Variants in UNC13B observed in about 807,000 individuals in gnomAD.
The protein encoded by UNC13B is unc-13 homolog B, also known as protein unc-13 homolog B.
In UNC13B, 144 loss-of-function variants were observed where a neutral mutation model predicts 211.0. The observed-to-expected ratio is 0.68, with a 90% CI of 0.60 to 0.78. UNC13B has a LOEUF of 0.78. Ranked by LOEUF, UNC13B falls within the 30% of genes least tolerant of loss-of-function variation. The pLI is 0.00. For synonymous variants in UNC13B, 709 were observed against 725.8 expected, an observed-to-expected ratio of 0.98 and a Z score of 0.37; for missense variants, 1,777 against 2,002.0, an observed-to-expected ratio of 0.89 and a Z score of 2.14.
chr9:35,170,542 C>A (rs956537428), intron 1 of UNC13B, among the ~76,000 whole-genome samples: 1 of 151,888 alleles, frequency 6.6e-6, no homozygotes, highest in Non-Finnish European at 1.5e-5. Context: ...GAACATGGCT[C>A]TCTGCAGCCT....
chr9:35,228,102 A>G, intron 2 of UNC13B, 58 bp downstream of exon 2: 1 of 1,424,350 alleles, frequency 7.0e-7, no homozygotes, highest in Non-Finnish European at 9.6e-7. Flanking sequence ...TTTCAAAGCA[A>G]TTTAAAAAAA....
intron 27 of UNC13B, 90 bp from the exon 28 acceptor site, chr9:35,396,751 A>G: frequency 4.4e-6 from 7 of 1,601,308 alleles, no homozygotes; most frequent in African/African-American, 4.0e-5. Flanking sequence ...GTGCCCTGCC[A>G]TCCCGAGGAC....
intron 1 of UNC13B, among the ~76,000 whole-genome samples, chr9:35,221,978 G>T (rs1480965060): frequency 2.0e-5 from 3 of 152,128 alleles, no homozygotes; most frequent in African/African-American, 7.2e-5. Flanking sequence ...ATGTGTGTGG[G>T]TCTGTTTCTG....
At chr9:35,163,079 G>C (rs968970877) in intron 1 of UNC13B, among the ~76,000 whole-genome samples, 1 of 152,176 alleles carries the variant, frequency 6.6e-6, no homozygotes, top group Non-Finnish European at 1.5e-5. Context: ...GTCTGACGTA[G>C]TAGAAGCTTA....
chr9:35,351,342 G>A, intron 11 of UNC13B: 1 of 1,224,696 alleles, frequency 8.2e-7, no homozygotes, highest in Non-Finnish European at 1.0e-6. Flanking sequence ...GAGGTTTGGA[G>A]GCCACACATG....
intron 6 of UNC13B, among the ~76,000 whole-genome samples, chr9:35,254,863 G>GTTTATAAATTA (rs1379791253): frequency 3.7e-5 from 5 of 133,690 alleles, no homozygotes; most frequent in African/African-American, 1.4e-4. Context: ...GTGTTGAATT[G>GTTTATAAATTA]TTTATACATT....
chr9:35,401,920 T>C (rs1429829142), intron 37 of UNC13B: 3 of 1,546,872 alleles, frequency 1.9e-6, no homozygotes, highest in South Asian at 2.4e-5. Context: ...CTGCTGCTGC[T>C]ACTACCTCTG....
chr9:35,260,038 CAAAAAAAAAAAAA>C (rs61273217), intron 7 of UNC13B, among the ~76,000 whole-genome samples: 3 of 64,802 alleles, frequency 4.6e-5, no homozygotes, highest in South Asian at 9.2e-4. Flanking sequence ...CTCATTTCTA[CAAAAAAAAAAAAA>C]AAAAAAAAAA....
chr9:35,256,393 A>G (rs934894129), intron 6 of UNC13B, among the ~76,000 whole-genome samples: 21 of 152,160 alleles, frequency 1.4e-4, no homozygotes, highest in African/African-American at 5.1e-4. Context: ...TAACATTGTA[A>G]GAGTGGAGAG....
chr9:35,364,558 A>C (rs1297100181), intron 11 of UNC13B: 4 of 1,535,798 alleles, frequency 2.6e-6, no homozygotes, highest in Non-Finnish European at 2.6e-6. Flanking sequence ...AAAAGCGAGG[A>C]GCCCTTCAGG....
At chr9:35,192,056 AG>A (rs1822688899) in intron 1 of UNC13B, among the ~76,000 whole-genome samples, 1 of 152,338 alleles carries the variant, frequency 6.6e-6, no homozygotes, top group Admixed American at 6.5e-5. Context: ...AGAAGCCAAA[AG>A]CCTGACTGGT....
chr9:35,166,565 A>T (rs2131238094), intron 1 of UNC13B, among the ~76,000 whole-genome samples: 1 of 151,970 alleles, frequency 6.6e-6, no homozygotes, highest in East Asian at 1.9e-4. Context: ...CTGGATTTGA[A>T]CTCCTGGGCT....
chr9:35,322,770 AG>A (rs1051454352), intron 11 of UNC13B, among the ~76,000 whole-genome samples: 7 of 152,258 alleles, frequency 4.6e-5, no homozygotes, highest in Admixed American at 4.6e-4. Flanking sequence ...ACTTTGCACC[AG>A]GGAAATACTC....
intron 1 of UNC13B, among the ~76,000 whole-genome samples, chr9:35,193,812 G>A (rs1822791852): frequency 6.6e-6 from 1 of 152,172 alleles, no homozygotes; most frequent in African/African-American, 2.4e-5. Context: ...ATGAAGCCTG[G>A]TTTGTAGTAG....
chr9:35,306,497 A>G lies in UNC13B; in HGVS notation c.7093A>G (p.Lys2365Glu), dbSNP rs541106495. Residue 2365 changes from lysine to glutamate, a missense_variant, in exon 9 of 40, where the codon AAA becomes GAA. Physicochemically the swap from Lys to Glu is moderately conservative, Grantham distance 56. Coordinates refer to ENST00000635942, the MANE Select transcript of UNC13B (RefSeq NM_001371189.2). The stretch of plus-strand genomic sequence containing the variant: ...CCATGAAGAAGAGGCTTTCAACCAC[A>G]AAGCCTTCCCCAGTGACTCACTGTC... The part of the protein sequence containing the change: ...APHEEEAFNH[K>E]AFPSDSLSNS... The G allele has an allele frequency of 1.2e-3, 482 of 399,044 alleles. 4 individuals carry two copies. The highest frequency in any genetic ancestry group is 2.6e-4 in the Non-Finnish European group (58 of 226,048). The allele number at this position is 399,044 out of a possible 1,614,324, so 24.7% of individuals were successfully genotyped here.
At chr9:35,384,574 C>T (rs1835066832) in intron 22 of UNC13B, 1 of 985,372 alleles carries the variant, frequency 1.0e-6, no homozygotes, top group Non-Finnish European at 1.2e-6. Context: ...ACTAAACTCT[C>T]TGGTGACATT....
At chr9:35,272,311 G>A (rs960532532) in intron 7 of UNC13B, among the ~76,000 whole-genome samples, 1 of 144,864 alleles carries the variant, frequency 6.9e-6, no homozygotes, top group African/African-American at 2.5e-5. Flanking sequence ...AGGCTGGAGT[G>A]CAGTGGCAGA....
chr9:35,264,852 C>T (rs1827479147), intron 7 of UNC13B, among the ~76,000 whole-genome samples: 1 of 152,188 alleles, frequency 6.6e-6, no homozygotes, highest in Non-Finnish European at 1.5e-5. Flanking sequence ...ACCTGTCACC[C>T]CTTCCTTTCT....
chr9:35,370,463 G>A lies in UNC13B; in HGVS notation c.9540+67G>A, dbSNP rs1834047150. ...GGTATCCCCCATTGGGCCTTGGCAA[G>A]CTGTCAGGATTGGAAGTCGTCCATT... On this transcript the variant is annotated intron_variant, in intron 13 of 39. Coordinates refer to ENST00000635942, the MANE Select transcript of UNC13B (RefSeq NM_001371189.2). 2.7e-6 allele frequency: 4 copies of A among 1,480,954 alleles called. No homozygotes were observed. The South Asian group carries it at 4.6e-5, about 17-fold the overall frequency. The allele number at this position is 1,480,954 out of a possible 1,614,324, so 91.7% of individuals were successfully genotyped here. A position where few individuals can be genotyped will look rare whatever the true frequency, so the allele number is the denominator to read the frequency against.
Sources: gnomAD v4.1 joint callset for allele counts (sites outside exome capture counted in the v4.1 genomes callset) on GRCh38, gnomAD v4.1.1 for gene constraint, MANE v1.5 for transcripts, NCBI Gene and HGNC (gene_info 2026-07-23, HGNC 2026-07-21) for gene names.